Variants in AFG2A observed in about 807,000 individuals in gnomAD.
AFG2A encodes the protein ATPase family gene 2 protein homolog A.
chr4:123,095,535 C>T, the AFG2A span, among the ~76,000 whole-genome samples: 1 of 152,002 alleles, frequency 6.6e-6, no homozygotes, highest in African/African-American at 2.4e-5. Context: ...TCAAACTGTG[C>T]CATGAATGTG....
the AFG2A span, among the ~76,000 whole-genome samples, chr4:123,269,780 G>A: frequency 7.2e-5 from 11 of 151,984 alleles, no homozygotes; most frequent in Admixed American, 2.6e-4. Context: ...TTCTTTTTCC[G>A]ATGTCACCTT....
chr4:122,939,748 AT>A, the AFG2A span, among the ~76,000 whole-genome samples: 1 of 152,056 alleles, frequency 6.6e-6, no homozygotes, highest in African/African-American at 2.4e-5. Flanking sequence ...GTCGTTTAGC[AT>A]TAGTTATATC....
At chr4:123,019,327 A>C in the AFG2A span, among the ~76,000 whole-genome samples, 1 of 152,036 alleles carries the variant, frequency 6.6e-6, no homozygotes, top group African/African-American at 2.4e-5. Context: ...GATATTTACT[A>C]TATCAAAAAA....
At chr4:123,041,517 T>G in the AFG2A span, among the ~76,000 whole-genome samples, 1 of 151,634 alleles carries the variant, frequency 6.6e-6, no homozygotes, top group East Asian at 1.9e-4. Flanking sequence ...TTTTTTGGGG[T>G]TTTTTTGTTT....
the AFG2A span, among the ~76,000 whole-genome samples, chr4:123,082,523 CT>C: frequency 2.6e-3 from 364 of 141,294 alleles, 3 homozygotes; most frequent in Middle Eastern, 0.014. Flanking sequence ...TCTCTTTTTT[CT>C]TTTTTTTTTT....
the AFG2A span, among the ~76,000 whole-genome samples, chr4:123,141,677 G>A: frequency 3.3e-5 from 5 of 152,262 alleles, no homozygotes; most frequent in African/African-American, 7.2e-5. Context: ...ATGGAACTCC[G>A]TTGTAAGTAG....
chr4:123,048,007 G>A, the AFG2A span, among the ~76,000 whole-genome samples: 1 of 152,188 alleles, frequency 6.6e-6, no homozygotes, highest in East Asian at 1.9e-4. Flanking sequence ...CCACATTTAA[G>A]CCTTTAATAC....
the AFG2A span, among the ~76,000 whole-genome samples, chr4:123,292,293 GT>G: frequency 6.6e-6 from 1 of 151,964 alleles, no homozygotes; most frequent in Non-Finnish European, 1.5e-5. Context: ...ATTTCTTTAT[GT>G]TGGTTTTCAA....
At chr4:123,002,866 G>A in the AFG2A span, among the ~76,000 whole-genome samples, 1 of 152,116 alleles carries the variant, frequency 6.6e-6, no homozygotes, top group Admixed American at 6.5e-5. Flanking sequence ...TGCTGGATTG[G>A]GGAAGTTCTC....
chr4:122,952,952 C>A, the AFG2A span, among the ~76,000 whole-genome samples: 1 of 152,158 alleles, frequency 6.6e-6, no homozygotes, highest in African/African-American at 2.4e-5. Flanking sequence ...ACTTAATTCC[C>A]AGTAATCTAG....
the AFG2A span, among the ~76,000 whole-genome samples, chr4:123,151,802 T>C: frequency 6.6e-6 from 1 of 152,268 alleles, no homozygotes; most frequent in East Asian, 1.9e-4. Context: ...TGATTATGAA[T>C]CATTCTATAA....
the AFG2A span, among the ~76,000 whole-genome samples, chr4:122,988,886 G>T: frequency 6.6e-6 from 1 of 152,212 alleles, no homozygotes; most frequent in Admixed American, 6.5e-5. Context: ...TGATTCTTCT[G>T]TTGTATTGTC....
the AFG2A span, among the ~76,000 whole-genome samples, chr4:123,160,752 C>T: frequency 2.0e-5 from 3 of 152,006 alleles, no homozygotes; most frequent in Non-Finnish European, 4.4e-5. Context: ...TTATCTGCAG[C>T]GGATACATTC....
chr4:123,264,673 C>CT, the AFG2A span, among the ~76,000 whole-genome samples: 1 of 152,144 alleles, frequency 6.6e-6, no homozygotes, highest in African/African-American at 2.4e-5. Context: ...CTTTTCCCTT[C>CT]TTCAGCATTT....
chr4:123,298,576 T>C, the AFG2A span, among the ~76,000 whole-genome samples: 1 of 152,194 alleles, frequency 6.6e-6, no homozygotes, highest in African/African-American at 2.4e-5. Context: ...TGAGACAGAA[T>C]TTAGTCTACC....
chr4:123,223,615 C>T, the AFG2A span, among the ~76,000 whole-genome samples: 1 of 152,022 alleles, frequency 6.6e-6, no homozygotes. Flanking sequence ...ATTTGAGCAA[C>T]CAAATCTCAC....
At chr4:122,964,272 G>A in the AFG2A span, among the ~76,000 whole-genome samples, 597 of 152,176 alleles carry the variant, frequency 3.9e-3, 2 homozygotes, top group African/African-American at 0.013. Context: ...GGGAGGCTGA[G>A]GCGGGTGGAC....
chr4:123,263,671 T>C, the AFG2A span, among the ~76,000 whole-genome samples: 10,346 of 152,178 alleles, frequency 0.068, 630 homozygotes, highest in African/African-American at 0.17. Context: ...TACCACTTTA[T>C]TCCTATAAGA....
At chr4:123,144,356 A>G in the AFG2A span, among the ~76,000 whole-genome samples, 1 of 152,124 alleles carries the variant, frequency 6.6e-6, no homozygotes, top group Non-Finnish European at 1.5e-5. Context: ...TAAAATGTAA[A>G]TTATCTAATT....
Sources: gnomAD v4.1 joint callset for allele counts (sites outside exome capture counted in the v4.1 genomes callset) on GRCh38, gnomAD v4.1.1 for gene constraint, MANE v1.5 for transcripts, NCBI Gene and HGNC (gene_info 2026-07-23, HGNC 2026-07-21) for gene names.